The following STARD13 variants were observed in gnomAD, a reference collection of about 807,000 sequenced individuals.
The protein encoded by STARD13 is stAR-related lipid transfer protein 13.
Under a neutral mutation model 106.4 loss-of-function variants are expected in STARD13, and 62 were observed. The observed-to-expected ratio is 0.58, with a 90% CI of 0.48 to 0.72. The LOEUF is 0.72. Among genes scored for constraint, STARD13 ranks in the 30% least tolerant of loss-of-function variants. STARD13 has a pLI of 0.00. For synonymous variants in STARD13, 565 were observed against 553.0 expected (o/e 1.02, Z -0.31); for missense variants, 1,387 against 1,424.0 (o/e 0.97, Z 0.42).
intron 1 of STARD13, among the ~76,000 whole-genome samples, chr13:33,254,534 T>C (rs928108214): frequency 1.3e-5 from 2 of 152,160 alleles, no homozygotes; most frequent in Non-Finnish European, 2.9e-5. Context: ...GGCCCTACCA[T>C]CAAGCCTGAA....
the STARD13 span, among the ~76,000 whole-genome samples, chr13:33,391,566 A>G: frequency 2.6e-5 from 4 of 152,320 alleles, no homozygotes; most frequent in East Asian, 7.7e-4. Context: ...TAGGCAGCTT[A>G]TTATGGACGT....
intron 1 of STARD13, among the ~76,000 whole-genome samples, chr13:33,284,746 C>A (rs1023766929): frequency 6.7e-6 from 1 of 149,588 alleles, no homozygotes; most frequent in Non-Finnish European, 1.5e-5. Context: ...TTTTTTGAGA[C>A]TGGTAAATTT....
At chr13:33,255,626 A>T (rs1222290053) in intron 1 of STARD13, among the ~76,000 whole-genome samples, 1 of 152,128 alleles carries the variant, frequency 6.6e-6, no homozygotes, top group East Asian at 1.9e-4. Context: ...GCTGCTAGAG[A>T]CAGAAAAAAA....
chr13:33,670,481 GA>G, the STARD13 span, among the ~76,000 whole-genome samples: 1 of 152,132 alleles, frequency 6.6e-6, no homozygotes, highest in East Asian at 1.9e-4. Flanking sequence ...TTCTTCCAAT[GA>G]GGGCTTGTGC....
chr13:33,414,649 G>A, the STARD13 span, among the ~76,000 whole-genome samples: 4 of 151,992 alleles, frequency 2.6e-5, no homozygotes, highest in Non-Finnish European at 4.4e-5. Flanking sequence ...AGGTGGGGGT[G>A]GGAGGGAAGT....
At chr13:33,591,849 A>G in the STARD13 span, among the ~76,000 whole-genome samples, 1 of 152,236 alleles carries the variant, frequency 6.6e-6, no homozygotes, top group African/African-American at 2.4e-5. Flanking sequence ...GACAGCTTTA[A>G]GCTTTGACCT....
chr13:33,529,199 C>T, the STARD13 span, among the ~76,000 whole-genome samples: 2 of 152,032 alleles, frequency 1.3e-5, no homozygotes, highest in Non-Finnish European at 2.9e-5. Flanking sequence ...AAAGTTAGTG[C>T]CCTGTTGATT....
chr13:33,671,179 A>G, the STARD13 span, among the ~76,000 whole-genome samples: 28 of 152,242 alleles, frequency 1.8e-4, no homozygotes, highest in Middle Eastern at 3.4e-3. Context: ...GGCATTGCTT[A>G]TAATGTAGAA....
the STARD13 span, among the ~76,000 whole-genome samples, chr13:33,607,663 G>A: frequency 1.3e-5 from 2 of 151,454 alleles, no homozygotes; most frequent in Non-Finnish European, 2.9e-5. Flanking sequence ...GATTAGAAAG[G>A]AAGAAAAAAA....
chr13:33,331,925 T>C (rs2077841463), intron 1 of STARD13, among the ~76,000 whole-genome samples: 1 of 152,220 alleles, frequency 6.6e-6, no homozygotes, highest in South Asian at 2.1e-4. Context: ...TAAGTATTTT[T>C]TGTATAATTG....
At chr13:33,248,963 T>C (rs557364341) in intron 1 of STARD13, among the ~76,000 whole-genome samples, 29 of 152,176 alleles carry the variant, frequency 1.9e-4, no homozygotes, top group Non-Finnish European at 3.7e-4. Flanking sequence ...TCATTTCTAC[T>C]AAAGAAGAGA....
At chr13:33,332,544 A>G (rs1365043290) in intron 1 of STARD13, among the ~76,000 whole-genome samples, 1 of 152,120 alleles carries the variant, frequency 6.6e-6, no homozygotes, top group Non-Finnish European at 1.5e-5. Context: ...GCAGACTGCA[A>G]AATGGTCCTT....
chr13:33,358,209 C>T, the STARD13 span, among the ~76,000 whole-genome samples: 17 of 152,232 alleles, frequency 1.1e-4, no homozygotes, highest in Admixed American at 9.2e-4. Flanking sequence ...GCCTTAGCTG[C>T]CTTCCCATGG....
chr13:33,435,175 T>G, the STARD13 span, among the ~76,000 whole-genome samples: 1 of 152,212 alleles, frequency 6.6e-6, no homozygotes, highest in Non-Finnish European at 1.5e-5. Context: ...TAGGGCAGGT[T>G]CCTTGACTTC....
intron 1 of STARD13, among the ~76,000 whole-genome samples, chr13:33,315,389 T>C (rs1016759825): frequency 6.6e-6 from 1 of 152,190 alleles, no homozygotes; most frequent in African/African-American, 2.4e-5. Context: ...GGATTCAAAA[T>C]TAAAGAGCAC....
intron 9 of STARD13, among the ~76,000 whole-genome samples, chr13:33,112,352 A>T (rs1874705678): frequency 6.6e-6 from 1 of 152,212 alleles, no homozygotes; most frequent in African/African-American, 2.4e-5. Flanking sequence ...GGTGTCTCAC[A>T]AGATTTTCTG....
At chr13:33,170,259 C>T (rs1444899726) in intron 1 of STARD13, among the ~76,000 whole-genome samples, 1 of 152,166 alleles carries the variant, frequency 6.6e-6, no homozygotes, top group Admixed American at 6.5e-5. Flanking sequence ...CAAAATATCT[C>T]ATGTACCCCA....
chr13:33,429,276 G>T, the STARD13 span, among the ~76,000 whole-genome samples: 1 of 151,586 alleles, frequency 6.6e-6, no homozygotes, highest in African/African-American at 2.4e-5. Flanking sequence ...AGCAACCTAA[G>T]TGTCCATCAA....
the STARD13 span, among the ~76,000 whole-genome samples, chr13:33,357,030 G>A: frequency 7.2e-5 from 11 of 152,184 alleles, no homozygotes; most frequent in Non-Finnish European, 1.5e-4. Flanking sequence ...AATTCAAAGT[G>A]TCATCAAAAT....
Sources: gnomAD v4.1 joint callset for allele counts (sites outside exome capture counted in the v4.1 genomes callset) on GRCh38, gnomAD v4.1.1 for gene constraint, MANE v1.5 for transcripts, NCBI Gene and HGNC (gene_info 2026-07-23, HGNC 2026-07-21) for gene names.